Variants in RABGAP1 observed in about 807,000 individuals in gnomAD.
RABGAP1 encodes the protein RAB GTPase activating protein 1, also known as rab GTPase-activating protein 1.
A neutral mutation model predicts 137.6 loss-of-function variants in RABGAP1; 23 were observed. The ratio of observed to expected loss-of-function variants is 0.17; its 90% CI spans 0.12 to 0.24. The LOEUF is 0.24. RABGAP1 is among the 10% of genes least tolerant of loss of function. The pLI, the probability that RABGAP1 is intolerant of heterozygous loss-of-function variation, is 1.00. For missense variants in RABGAP1, 906 were observed against 1,275.8 expected, an observed-to-expected ratio of 0.71 and a Z score of 4.42; for synonymous variants, 451 against 450.7, an observed-to-expected ratio of 1.00 and a Z score of -0.01.
chr9:123,015,536 A>C lies in RABGAP1; in HGVS notation c.1550-7A>C. Reference sequence around the variant, plus strand: ...GTTACCGTTTTTGTGTGTTTTGTTTATTATAGATAATGATGAACCTCTCCT... The same window carrying C: ...GTTACCGTTTTTGTGTGTTTTGTTTCTTATAGATAATGATGAACCTCTCCT... On this transcript the variant is annotated splice_region_variant and splice_polypyrimidine_tract_variant and intron_variant, in intron 11 of 25. Coordinates refer to ENST00000373647, the MANE Select transcript of RABGAP1 (RefSeq NM_012197.4). The C allele has an allele frequency of 6.3e-7, 1 of 1,586,274 alleles. No homozygotes were observed. Among genetic ancestry groups the C allele is most frequent in the Non-Finnish European group, 8.6e-7 (1 of 1,158,016 alleles).
At chr9:122,986,454 C>A in intron 4 of RABGAP1, 35 bp downstream of exon 4, 1 of 1,582,968 alleles carries the variant, frequency 6.3e-7, no homozygotes, top group Non-Finnish European at 8.7e-7. Flanking sequence ...TCGATATTTA[C>A]ATCAGATCTC....
chr9:123,021,965 T>C (rs2031666784), intron 13 of RABGAP1, among the ~76,000 whole-genome samples: 1 of 152,184 alleles, frequency 6.6e-6, no homozygotes, highest in Non-Finnish European at 1.5e-5. Context: ...ACATTTGAGA[T>C]GAATTCCAGG....
intron 22 of RABGAP1, 108 bp downstream of exon 22, chr9:123,097,953 T>C (rs751441952): frequency 1.1e-6 from 1 of 893,704 alleles, no homozygotes; most frequent in Non-Finnish European, 1.7e-6. Flanking sequence ...CTGGCTTCAG[T>C]TTCTTTCCAA....
At chr9:122,966,122 G>C (rs781155490) in intron 2 of RABGAP1, among the ~76,000 whole-genome samples, 1 of 152,174 alleles carries the variant, frequency 6.6e-6, no homozygotes, top group Non-Finnish European at 1.5e-5. Context: ...ACTGTTAGCT[G>C]TCTCTTTGGA....
intron 1 of RABGAP1, among the ~76,000 whole-genome samples, chr9:122,950,352 CT>C (rs1033506033): frequency 6.8e-5 from 5 of 73,638 alleles, no homozygotes; most frequent in Admixed American, 1.2e-4. Flanking sequence ...GGTTTGGTGT[CT>C]TTTTTTTCTT....
chr9:122,949,610 G>T (rs1347805042), intron 1 of RABGAP1, among the ~76,000 whole-genome samples: 1 of 148,070 alleles, frequency 6.8e-6, no homozygotes, highest in African/African-American at 2.6e-5. Context: ...CAGGAGAATC[G>T]CTTGAACTCT....
chr9:123,072,246 T>C (rs1165133760), intron 15 of RABGAP1, among the ~76,000 whole-genome samples: 1 of 152,240 alleles, frequency 6.6e-6, no homozygotes, highest in African/African-American at 2.4e-5. Context: ...AGATATGGGT[T>C]GCTCAACCTG....
intron 1 of RABGAP1, among the ~76,000 whole-genome samples, chr9:122,942,888 G>T (rs1286729192): frequency 6.6e-6 from 1 of 151,958 alleles, no homozygotes; most frequent in African/African-American, 2.4e-5. Flanking sequence ...ATTCATGCTT[G>T]TAATCCCAAC....
At chr9:123,090,070 G>A (rs1168790520) in intron 20 of RABGAP1, among the ~76,000 whole-genome samples, 1 of 152,192 alleles carries the variant, frequency 6.6e-6, no homozygotes, top group Non-Finnish European at 1.5e-5. Flanking sequence ...AATAGTAGGT[G>A]CTTGACAAAG....
intron 8 of RABGAP1, chr9:122,996,978 A>G (rs999121706): frequency 7.2e-6 from 4 of 557,514 alleles, no homozygotes; most frequent in Non-Finnish European, 1.3e-5. Context: ...CAAAACTAAA[A>G]ATTATAATTC....
chr9:123,073,723 T>C (rs761268699), intron 16 of RABGAP1, 46 bp downstream of exon 16: 125 of 1,606,522 alleles, frequency 7.8e-5, no homozygotes, highest in Non-Finnish European at 1.0e-4. Flanking sequence ...AGTACAGGAC[T>C]AAGGAGCACC....
chr9:123,027,235 C>G (rs1456348495), intron 13 of RABGAP1, among the ~76,000 whole-genome samples: 1 of 151,976 alleles, frequency 6.6e-6, no homozygotes, highest in Non-Finnish European at 1.5e-5. Flanking sequence ...CCTGTCACAG[C>G]CTCCCGAGTA....
intron 3 of RABGAP1, 102 bp downstream of exon 3, chr9:122,984,821 C>T (rs910772090): frequency 1.8e-6 from 2 of 1,085,320 alleles, no homozygotes; most frequent in Admixed American, 2.5e-5. Context: ...AAACCATTGT[C>T]TACAAAAACA....
chr9:123,055,589 G>A (rs902909612), intron 13 of RABGAP1, among the ~76,000 whole-genome samples: 5 of 135,950 alleles, frequency 3.7e-5, no homozygotes, highest in African/African-American at 1.1e-4. Context: ...AGCTCTTGTC[G>A]CCCAGGCTGG....
At chr9:123,018,372 G>C (rs2031388938) in intron 12 of RABGAP1, among the ~76,000 whole-genome samples, 1 of 152,242 alleles carries the variant, frequency 6.6e-6, no homozygotes, top group Non-Finnish European at 1.5e-5. Context: ...AATTAAGCTA[G>C]TAAGGTTAGC....
At chr9:123,046,614 T>C (rs182316469) in intron 13 of RABGAP1, among the ~76,000 whole-genome samples, 3 of 152,350 alleles carry the variant, frequency 2.0e-5, no homozygotes, top group Non-Finnish European at 4.4e-5. Flanking sequence ...AATGAGCTAA[T>C]GCATGTAAAG....
At chr9:122,994,815 T>G in intron 6 of RABGAP1, among the ~76,000 whole-genome samples, 1 of 152,130 alleles carries the variant, frequency 6.6e-6, no homozygotes, top group East Asian at 1.9e-4. Flanking sequence ...AGGGGATTAT[T>G]TTGTTAAACT....
chr9:123,079,378 T>G (rs553389091), intron 19 of RABGAP1, among the ~76,000 whole-genome samples: 1 of 152,066 alleles, frequency 6.6e-6, no homozygotes, highest in East Asian at 1.9e-4. Flanking sequence ...TAACTGAGAT[T>G]ACAGGTGCAC....
At chr9:123,035,072 G>C in intron 13 of RABGAP1, 1 of 1,614,028 alleles carries the variant, frequency 6.2e-7, no homozygotes, top group Non-Finnish European at 8.5e-7. Flanking sequence ...TTCCACTGGG[G>C]CAAACCTGGA....
Sources: allele counts gnomAD v4.1 joint callset (sites outside exome capture counted in the v4.1 genomes callset), GRCh38; gene constraint gnomAD v4.1.1; transcripts MANE v1.5; gene names NCBI Gene and HGNC (gene_info 2026-07-23, HGNC 2026-07-21).